The following L3MBTL3 variants were observed in gnomAD, a reference collection of about 807,000 sequenced individuals.
L3MBTL3 encodes the protein lethal(3)malignant brain tumor-like protein 3.
In L3MBTL3, 27 loss-of-function variants were observed where a neutral mutation model predicts 102.3. The observed-to-expected ratio is 0.26, with a 90% CI of 0.19 to 0.36. The LOEUF is 0.36. L3MBTL3 is among the 10% of genes least tolerant of loss of function. L3MBTL3 has a pLI of 1.00. For synonymous variants in L3MBTL3, 340 were observed against 320.9 expected (o/e 1.06, Z -0.64); for missense variants, 798 against 955.3 (o/e 0.84, Z 2.17).
chr6:130,126,555 G>T (rs1786621314), intron 20 of L3MBTL3, among the ~76,000 whole-genome samples: 1 of 152,070 alleles, frequency 6.6e-6, no homozygotes, highest in Admixed American at 6.6e-5. Flanking sequence ...TTTATTTCAG[G>T]ATCATCTTTA....
At chr6:130,122,106 A>T (rs1786260750) in intron 20 of L3MBTL3, among the ~76,000 whole-genome samples, 2 of 152,212 alleles carry the variant, frequency 1.3e-5, no homozygotes, top group Non-Finnish European at 2.9e-5. Flanking sequence ...AATCAAATAT[A>T]ACAATAATTA....
At chr6:130,075,473 CT>C (rs1159974825) in intron 13 of L3MBTL3, among the ~76,000 whole-genome samples, 1 of 152,124 alleles carries the variant, frequency 6.6e-6, no homozygotes, top group Non-Finnish European at 1.5e-5. Context: ...TTACTTAACA[CT>C]TCTAAACTTT....
At chr6:130,085,339 T>G (rs1783617345) in intron 15 of L3MBTL3, among the ~76,000 whole-genome samples, 2 of 152,182 alleles carry the variant, frequency 1.3e-5, no homozygotes, top group Non-Finnish European at 2.9e-5. Flanking sequence ...GTTTGATTGC[T>G]AATTTTCTGT....
chr6:130,114,416 CACA>C (rs1007003195), intron 19 of L3MBTL3, among the ~76,000 whole-genome samples: 7 of 152,122 alleles, frequency 4.6e-5, no homozygotes, highest in Admixed American at 1.3e-4. Flanking sequence ...TTCTCTTTTC[CACA>C]ACAACAACAA....
intron 13 of L3MBTL3, among the ~76,000 whole-genome samples, chr6:130,071,905 A>G (rs960218804): frequency 6.6e-6 from 1 of 152,156 alleles, no homozygotes; most frequent in Non-Finnish European, 1.5e-5. Flanking sequence ...GGATTCTTAG[A>G]TACTCATTAG....
At position 130,133,647 on chromosome 6, in the gene L3MBTL3, G is replaced by T. The variant is rs750037708; in HGVS notation, c.2136+26G>T. The T allele has an allele frequency of 1.2e-6, 2 of 1,609,640 alleles. No homozygotes were observed. Among genetic ancestry groups the T allele is most frequent in the South Asian group, 1.1e-5 (1 of 90,866 alleles). ...GTATATTTTATTTTCTTTGCTGCCC[G>T]ACACCAGATACAGGATTACTGGCTT... On this transcript the variant is annotated intron_variant, in intron 21 of 22. Transcript: ENST00000361794. The surrounding 1 kb of genome is among the most constrained non-coding windows in gnomAD (Gnocchi z 4.9).
intron 13 of L3MBTL3, among the ~76,000 whole-genome samples, chr6:130,076,036 G>A (rs2115045506): frequency 6.6e-6 from 1 of 152,234 alleles, no homozygotes; most frequent in East Asian, 1.9e-4. Context: ...TCGGGCTGAT[G>A]AGGTTTGGGG....
intron 18 of L3MBTL3, among the ~76,000 whole-genome samples, chr6:130,101,968 A>G (rs1383215691): frequency 6.6e-6 from 1 of 152,092 alleles, no homozygotes; most frequent in East Asian, 1.9e-4. Context: ...TAGTGTGTTC[A>G]TTTTGCTGAG....
At chr6:130,054,405 A>G (rs1781328485) in intron 7 of L3MBTL3, among the ~76,000 whole-genome samples, 3 of 152,230 alleles carry the variant, frequency 2.0e-5, no homozygotes. Context: ...TTAAATGACC[A>G]CTGTAGCCCT....
intron 10 of L3MBTL3, among the ~76,000 whole-genome samples, chr6:130,065,903 A>G (rs2114958349): frequency 6.6e-6 from 1 of 151,610 alleles, no homozygotes; most frequent in South Asian, 2.1e-4. Context: ...GCTTTGGTGG[A>G]GAAAAAAAGC....
chr6:130,056,109 G>C (rs1584337198), intron 8 of L3MBTL3, among the ~76,000 whole-genome samples: 1 of 151,992 alleles, frequency 6.6e-6, no homozygotes, highest in African/African-American at 2.4e-5. Context: ...TGTATTTTTA[G>C]TAGAGATGGG....
chr6:130,034,502 A>C (rs1779924529), intron 2 of L3MBTL3, among the ~76,000 whole-genome samples: 1 of 152,174 alleles, frequency 6.6e-6, no homozygotes, highest in Admixed American at 6.5e-5. Context: ...TTGTTCGCAC[A>C]ATGTGTCTGA....
At chr6:130,066,628 T>C (rs9402214) in intron 11 of L3MBTL3, 140 bp downstream of exon 11, 390,597 of 636,340 alleles carry the variant, frequency 0.61, 124,099 homozygotes, top group East Asian at 0.69. Flanking sequence ...GATGAAACCA[T>C]GTTTATTAAA....
At chr6:130,032,422 C>G (rs1029322502) in intron 2 of L3MBTL3, among the ~76,000 whole-genome samples, 4 of 151,936 alleles carry the variant, frequency 2.6e-5, no homozygotes, top group African/African-American at 9.7e-5. Context: ...GTACCCCAGC[C>G]TGGAAAACAG....
intron 20 of L3MBTL3, among the ~76,000 whole-genome samples, chr6:130,123,037 G>A (rs1333631205): frequency 1.3e-5 from 2 of 152,282 alleles, no homozygotes; most frequent in Admixed American, 6.5e-5. Context: ...TAAACTTGTT[G>A]AGGGAGTAAT....
In L3MBTL3 at chr6:130,071,063, A is replaced by G; in HGVS notation, c.1180A>G (p.Thr394Ala). The part of the protein sequence containing the change: ...NPSFICVATV[T>A]DMVDNRFLVH... ...CTCATTCATCTGTGTTGCTACGGTAACAGATATGGTGGACAATCGTTTCCT... is the reference window on the plus strand; with the variant it reads ...CTCATTCATCTGTGTTGCTACGGTAGCAGATATGGTGGACAATCGTTTCCT... Residue 394 changes from threonine to alanine, a missense_variant, in exon 13 of 23, where the codon ACA (threonine) becomes GCA (alanine). By Grantham distance (58) the Thr-to-Ala change is moderately conservative. Coordinates refer to ENST00000361794, the MANE Select transcript of L3MBTL3 (RefSeq NM_032438.4). The G allele has an allele frequency of 2.5e-6, 4 of 1,613,542 alleles. No homozygotes were observed. The highest frequency in any genetic ancestry group is 2.2e-5 in the East Asian group (1 of 44,878).
At chr6:130,032,448 CTA>C (rs1431772085) in intron 2 of L3MBTL3, among the ~76,000 whole-genome samples, 3 of 151,918 alleles carry the variant, frequency 2.0e-5, no homozygotes, top group Non-Finnish European at 4.4e-5. Flanking sequence ...GATCCTGTCT[CTA>C]TGAATAAATA....
At chr6:130,130,066 G>A (rs1367515347) in intron 20 of L3MBTL3, among the ~76,000 whole-genome samples, 1 of 152,196 alleles carries the variant, frequency 6.6e-6, no homozygotes, top group Non-Finnish European at 1.5e-5. Flanking sequence ...GTCTTAATGC[G>A]AAGGAGGCAG....
At chr6:130,119,718 C>G (rs933457384) in intron 19 of L3MBTL3, among the ~76,000 whole-genome samples, 2 of 152,086 alleles carry the variant, frequency 1.3e-5, no homozygotes, top group African/African-American at 4.8e-5. Flanking sequence ...AGTTCAGATT[C>G]AAATGAAATT....
Sources: allele counts gnomAD v4.1 joint callset (sites outside exome capture counted in the v4.1 genomes callset), GRCh38; gene constraint gnomAD v4.1.1; non-coding constraint Gnocchi (gnomAD v3.1); transcripts MANE v1.5; gene names NCBI Gene and HGNC (gene_info 2026-07-23, HGNC 2026-07-21).